Variants in PLPP1 observed in about 807,000 individuals in gnomAD.
The protein encoded by PLPP1 is lipid phosphate phosphohydrolase 1a.
In PLPP1, 24 loss-of-function variants were observed where a neutral mutation model predicts 31.2. The ratio of observed to expected loss-of-function variants is 0.77; its 90% CI spans 0.56 to 1.08. The LOEUF is 1.08. PLPP1 is among the 50% of genes least tolerant of loss of function. The pLI is 0.00. For missense variants in PLPP1, 319 were observed against 342.7 expected (o/e 0.93, Z 0.55); for synonymous variants, 146 against 126.3 (o/e 1.16, Z -1.05).
At chr5:55,523,276 AATT>A (rs777221071) in intron 1 of PLPP1, among the ~76,000 whole-genome samples, 2 of 152,108 alleles carry the variant, frequency 1.3e-5, no homozygotes, top group Non-Finnish European at 2.9e-5. Flanking sequence ...TGTACAATTA[AATT>A]ATTATTGACT....
chr5:55,498,712 A>C (rs1166593833), intron 1 of PLPP1, among the ~76,000 whole-genome samples: 1 of 152,200 alleles, frequency 6.6e-6, no homozygotes, highest in African/African-American at 2.4e-5. Context: ...CAAAAAAAAA[A>C]AAAGGTGAAC....
rs529067608 is a variant in PLPP1, at chr5:55,458,887, CAAAAAAAAAAAA to C, written c.491+8970_491+8981del. On this transcript the variant is annotated intron_variant, in intron 3 of 5. Transcript: ENST00000307259. ...TGGGCAACAGAGGAGACCCTGTCTC[CAAAAAAAAAAAA>C]AAAAAAAAAAAAAAAAACACATAGC... Among the ~76,000 whole-genome samples, 125 of 21,106 alleles carry C rather than the reference CAAAAAAAAAAAA, an allele frequency of 5.9e-3. 1 individual carries two copies. Among genetic ancestry groups the C allele is most frequent in the East Asian group, 0.014 (12 of 860 alleles). 13.8% of individuals were successfully genotyped at this position (21,106 alleles called of 152,430 possible).
At chr5:55,489,558 T>C (rs190099284) in intron 1 of PLPP1, among the ~76,000 whole-genome samples, 1 of 152,294 alleles carries the variant, frequency 6.6e-6, no homozygotes, top group East Asian at 1.9e-4. Flanking sequence ...TATGAATATA[T>C]TAATACTTAT....
In PLPP1 at chr5:55,490,921, A is replaced by G. The variant is rs758159654; in HGVS notation, c.59-15471T>C. 4.4e-6 allele frequency: 7 copies of G among 1,573,576 alleles called. No individual in the cohort carries two copies. In the Admixed American group the frequency reaches 1.2e-4, roughly 27 times the overall value. ...CTCCATGCTTCATCCAACCTCCAGC[A>G]CAACAAACCCATCACTACCTACTTA... is the stretch of plus-strand genomic sequence containing the variant. On this transcript the variant is annotated intron_variant, in intron 1 of 5. Transcript: ENST00000307259.
At position 55,443,162 on chromosome 5, in the gene PLPP1, A is replaced by G. The variant is rs1248879563; in HGVS notation, c.492-1254T>C. Among the ~76,000 whole-genome samples the G allele has an allele frequency of 2.2e-5, 3 of 136,876 alleles. No homozygotes were observed. In the Admixed American group the frequency reaches 2.3e-4, roughly 11 times the overall value. 89.8% of individuals were successfully genotyped at this position (136,876 alleles called of 152,430 possible). On this transcript the variant is annotated intron_variant, in intron 3 of 5. Coordinates refer to ENST00000307259, the MANE Select transcript of PLPP1 (RefSeq NM_003711.4). ...TGTTTGGCAGCTGCCAGTGGGTGGG[A>G]AAGAAAGGATTACTTAAAAAAAAAA...
rs1450219308 is a variant in PLPP1 at position 55,534,742 on chromosome 5, C to T, written c.-113G>A. The stretch of plus-strand genomic sequence containing the variant: ...CTGGCGACGGCCCCGAGCTACGGCC[C>T]CTCCCAGCCGGAGGAGGAGAGCAGC... On this transcript the variant is annotated 5_prime_UTR_variant, in exon 1 of 6. Transcript: ENST00000307259. 1 of 1,155,350 alleles carries T rather than the reference C, an allele frequency of 8.7e-7. No homozygotes were observed. Among genetic ancestry groups the T allele is most frequent in the African/African-American group, 1.6e-5 (1 of 61,354 alleles). 71.6% of individuals were successfully genotyped at this position (1,155,350 alleles called of 1,614,324 possible). A position where few individuals can be genotyped will look rare whatever the true frequency, so the allele number is the denominator to read the frequency against.
intron 1 of PLPP1, among the ~76,000 whole-genome samples, chr5:55,525,541 G>T (rs1048458186): frequency 2.6e-5 from 4 of 152,130 alleles, no homozygotes; most frequent in Non-Finnish European, 4.4e-5. Context: ...TCACGATGTT[G>T]CCCAGGCTGG....
chr5:55,429,800 G>A (rs1301894282), intron 4 of PLPP1, among the ~76,000 whole-genome samples: 1 of 152,026 alleles, frequency 6.6e-6, no homozygotes, highest in Admixed American at 6.5e-5. Flanking sequence ...CAGAGCCACT[G>A]TGCATTGTCA....
At chr5:55,487,036 T>C (rs1021828051) in intron 1 of PLPP1, among the ~76,000 whole-genome samples, 12 of 152,220 alleles carry the variant, frequency 7.9e-5, no homozygotes, top group African/African-American at 2.7e-4. Flanking sequence ...ACATTGGCTA[T>C]ACTGTTATTT....
intron 1 of PLPP1, among the ~76,000 whole-genome samples, chr5:55,496,001 G>A (rs1213203262): frequency 6.6e-6 from 1 of 152,014 alleles, no homozygotes; most frequent in African/African-American, 2.4e-5. Flanking sequence ...GGGACCACAG[G>A]CACGCGCCAC....
chr5:55,472,748 AG>A (rs1752447740), intron 2 of PLPP1, among the ~76,000 whole-genome samples: 3 of 4,934 alleles, frequency 6.1e-4, no homozygotes, highest in South Asian at 0.036. Flanking sequence ...AAGAGGAAGA[AG>A]AGGAAGAGGA....
intron 3 of PLPP1, among the ~76,000 whole-genome samples, chr5:55,450,228 C>T (rs1751863371): frequency 6.6e-6 from 1 of 152,168 alleles, no homozygotes; most frequent in African/African-American, 2.4e-5. Context: ...TACCACTCCA[C>T]AGCCACTAAC....
In PLPP1 at chr5:55,425,927, T is replaced by TAATC; in HGVS notation, c.658_661dup (p.Tyr221Ter). 1.9e-6 allele frequency: 3 copies of TAATC among 1,614,028 alleles called. No homozygotes were observed. The highest frequency in any genetic ancestry group is 2.5e-6 in the Non-Finnish European group (3 of 1,179,988). On this transcript the variant is annotated stop_gained and frameshift_variant, in exon 5 of 6. Transcript: ENST00000307259. LOFTEE classifies it high-confidence loss of function. ...CAACACATCGCTCCAGTGGTGTTTATAATCAGAAACTCGAGAAAGGCCCAC... is the reference window on the plus strand; with the variant it reads ...CAACACATCGCTCCAGTGGTGTTTATAATCAATCAGAAACTCGAGAAAGGCCCAC...
rs1012710150 is a variant in PLPP1 at position 55,509,752 on chromosome 5, A to G, written c.58+24820T>C. On this transcript the variant is annotated intron_variant, in intron 1 of 5. Transcript: ENST00000307259. ...TCACATTTCCACACAAATAAAAAAC[A>G]AGTTAACCTATTTATTTATACACTA... is the stretch of plus-strand genomic sequence containing the variant. 3.0e-4 allele frequency among the ~76,000 whole-genome samples: 45 copies of G among 152,224 alleles called. 1 individual carries two copies. Among genetic ancestry groups the G allele is most frequent in the Non-Finnish European group, 1.3e-4 (9 of 68,032 alleles).
intron 4 of PLPP1, among the ~76,000 whole-genome samples, chr5:55,436,941 C>A (rs1163246885): frequency 6.6e-6 from 1 of 152,010 alleles, no homozygotes; most frequent in Non-Finnish European, 1.5e-5. Context: ...AGGGGTTAAC[C>A]CTCATGAAAG....
At chr5:55,514,478 A>G (rs6891293) in intron 1 of PLPP1, among the ~76,000 whole-genome samples, 119,222 of 152,066 alleles carry the variant, frequency 0.78, 47,683 homozygotes, top group Non-Finnish European at 0.87. Flanking sequence ...ACCATAAAAA[A>G]AATTTTAAAT....
At position 55,516,043 on chromosome 5, in the gene PLPP1, C is replaced by T. The variant is rs111231425; in HGVS notation, c.58+18529G>A. ...TCAAACCAGGTTCTCATCTAGCACA[C>T]TCCACCTCAGTAACTGGCAGGAACC... On this transcript the variant is annotated intron_variant, in intron 1 of 5. Coordinates refer to ENST00000307259, the MANE Select transcript of PLPP1 (RefSeq NM_003711.4). Among the ~76,000 whole-genome samples, 770 of 152,278 alleles carry T rather than the reference C, an allele frequency of 5.1e-3. 3 individuals carry two copies. Among genetic ancestry groups the T allele is most frequent in the African/African-American group, 0.018 (742 of 41,556 alleles).
intron 4 of PLPP1, among the ~76,000 whole-genome samples, chr5:55,440,090 T>G (rs1357287415): frequency 6.6e-6 from 1 of 152,150 alleles, no homozygotes; most frequent in Non-Finnish European, 1.5e-5. Flanking sequence ...TCATGGAAAT[T>G]TAGTCAAAAA....
At position 55,461,910 on chromosome 5, in the gene PLPP1, C is replaced by G. The variant is rs567435881; in HGVS notation, c.491+5959G>C. 1.5e-4 allele frequency among the ~76,000 whole-genome samples: 23 copies of G among 152,002 alleles called. 1 individual carries two copies. In the South Asian group the frequency reaches 4.8e-3, roughly 32 times the overall value. On this transcript the variant is annotated intron_variant, in intron 3 of 5. Transcript: ENST00000307259. ...ATTAATATAAAAACAAATTCTACTTCTACACACTCAAAACAATTGGAAATT... is the reference window on the plus strand; with the variant it reads ...ATTAATATAAAAACAAATTCTACTTGTACACACTCAAAACAATTGGAAATT...
Sources: allele counts gnomAD v4.1 joint callset (sites outside exome capture counted in the v4.1 genomes callset), GRCh38; gene constraint gnomAD v4.1.1; transcripts MANE v1.5; gene names NCBI Gene and HGNC (gene_info 2026-07-23, HGNC 2026-07-21).